SCYL2: variants seen among roughly 807,000 people sequenced by gnomAD.
SCYL2 encodes the protein SCY1 like pseudokinase 2.
A neutral mutation model predicts 100.4 loss-of-function variants in SCYL2; 36 were observed. The observed-to-expected ratio is 0.36, with a 90% CI of 0.27 to 0.47. The LOEUF (loss-of-function observed/expected upper bound fraction) is 0.47, where lower values mean the gene tolerates loss of function less well. Ranked by LOEUF, SCYL2 falls within the 20% of genes least tolerant of loss-of-function variation. The pLI, the probability that SCYL2 is intolerant of heterozygous loss-of-function variation, is 1.00. For synonymous variants in SCYL2, 330 were observed against 359.2 expected (o/e 0.92, Z 0.92); for missense variants, 902 against 1,083.9 (o/e 0.83, Z 2.36).
At chr12:100,276,337 A>C (rs373637002) in intron 1 of SCYL2, among the ~76,000 whole-genome samples, 35 of 151,582 alleles carry the variant, frequency 2.3e-4, no homozygotes, top group African/African-American at 6.1e-4. Flanking sequence ...CTTTCTTTTT[A>C]TTTTTATTTT....
At chr12:100,297,969 A>T in intron 3 of SCYL2, 62 bp from the exon 4 acceptor site, 1 of 1,218,830 alleles carries the variant, frequency 8.2e-7, no homozygotes, top group Non-Finnish European at 1.2e-6. Flanking sequence ...TATTTTATGT[A>T]TATTTGATTT....
intron 12 of SCYL2, chr12:100,327,131 T>C: frequency 2.9e-6 from 1 of 349,118 alleles, no homozygotes; most frequent in South Asian, 2.2e-5. Context: ...CGTTATGTTA[T>C]TTTATTCTTC....
intron 1 of SCYL2, among the ~76,000 whole-genome samples, chr12:100,274,040 C>T (rs1268789194): frequency 6.6e-6 from 1 of 152,184 alleles, no homozygotes; most frequent in African/African-American, 2.4e-5. Flanking sequence ...TAAATGTTTT[C>T]ATAATGCCAG....
intron 1 of SCYL2, among the ~76,000 whole-genome samples, chr12:100,271,001 T>A (rs139503309): frequency 5.6e-4 from 85 of 152,238 alleles, no homozygotes; most frequent in African/African-American, 1.9e-3. Context: ...CTGTTCTGGC[T>A]TAACTATGTC....
At chr12:100,272,323 A>G (rs1592923503) in intron 1 of SCYL2, among the ~76,000 whole-genome samples, 2 of 152,334 alleles carry the variant, frequency 1.3e-5, no homozygotes, top group East Asian at 3.8e-4. Context: ...AAGAAAAGGT[A>G]TTTGGACTCT....
chr12:100,329,390 A>G, intron 13 of SCYL2, 71 bp downstream of exon 13: 2 of 698,216 alleles, frequency 2.9e-6, no homozygotes, highest in East Asian at 2.5e-5. Flanking sequence ...ATATAAATAT[A>G]TTACAAAGAT....
At chr12:100,270,053 C>G (rs1007355986) in intron 1 of SCYL2, among the ~76,000 whole-genome samples, 1 of 150,850 alleles carries the variant, frequency 6.6e-6, no homozygotes, top group African/African-American at 2.4e-5. Flanking sequence ...GTGGCGCGAT[C>G]TCGGCTCACT....
intron 1 of SCYL2, among the ~76,000 whole-genome samples, chr12:100,275,714 T>C (rs1296624245): frequency 6.6e-6 from 1 of 152,222 alleles, no homozygotes; most frequent in Non-Finnish European, 1.5e-5. Context: ...TACTGGAATA[T>C]TGAATAGAAG....
intron 1 of SCYL2, among the ~76,000 whole-genome samples, chr12:100,273,776 A>G (rs1388465673): frequency 6.6e-6 from 1 of 152,132 alleles, no homozygotes; most frequent in Non-Finnish European, 1.5e-5. Flanking sequence ...TAATATTTCC[A>G]TAGCATGTAC....
intron 2 of SCYL2, among the ~76,000 whole-genome samples, chr12:100,285,852 A>G (rs549865931): frequency 3.0e-4 from 45 of 152,196 alleles, no homozygotes; most frequent in Admixed American, 7.2e-4. Flanking sequence ...TTCTGAGGCA[A>G]ATGCTCTTGG....
chr12:100,290,035 TTAG>T (rs1161155621), intron 2 of SCYL2, among the ~76,000 whole-genome samples: 1 of 152,212 alleles, frequency 6.6e-6, no homozygotes, highest in African/African-American at 2.4e-5. Flanking sequence ...AGTCTTGATG[TTAG>T]TGGTGTAACG....
rs1162678610 is a variant in SCYL2 at position 100,314,573 on chromosome 12, T to C, written c.1054T>C (p.Phe352Leu). Reference protein sequence around the residue: ...FQRDNLQKSQFFKGLPKVLPK... With the variant: ...FQRDNLQKSQLFKGLPKVLPK... The stretch of plus-strand genomic sequence containing the variant: ...AAGAGATAATCTTCAGAAATCACAG[T>C]TTTTCAAAGGACTGCCAAAGGTTCT... Residue 352 changes from phenylalanine (F) to leucine (L), a missense_variant, in exon 8 of 18, where the codon TTT (phenylalanine) becomes CTT (leucine). Coordinates refer to ENST00000360820, the MANE Select transcript of SCYL2 (RefSeq NM_017988.6). 7.9e-5 allele frequency: 127 copies of C among 1,602,840 alleles called. No individual in the cohort carries two copies. The highest frequency in any genetic ancestry group is 1.1e-4 in the Non-Finnish European group (125 of 1,176,750).
At chr12:100,301,396 T>C (rs895889808) in intron 4 of SCYL2, among the ~76,000 whole-genome samples, 1 of 152,254 alleles carries the variant, frequency 6.6e-6, no homozygotes, top group Non-Finnish European at 1.5e-5. Flanking sequence ...ATTCTGATTA[T>C]TAATCCCTTG....
intron 12 of SCYL2, among the ~76,000 whole-genome samples, chr12:100,328,657 G>C (rs1952169024): frequency 6.6e-6 from 1 of 152,222 alleles, no homozygotes; most frequent in Non-Finnish European, 1.5e-5. Flanking sequence ...TTTGTGGATA[G>C]ATGTAACAAG....
chr12:100,339,084 T>C lies in SCYL2; in HGVS notation c.2702T>C (p.Phe901Ser). ...GCTTTTGGTATGCAGGGTAATCCTT[T>C]CTTTAACCCACAGAACTTTGCACAG... is the stretch of plus-strand genomic sequence containing the variant. ...QSAFGMQGNP[F>S]FNPQNFAQPP... Residue 901 changes from phenylalanine to serine, a missense_variant, in exon 18 of 18, where the codon TTC becomes TCC. Physicochemically the swap from Phe to Ser is radical, Grantham distance 155. Coordinates refer to ENST00000360820, the MANE Select transcript of SCYL2 (RefSeq NM_017988.6). The C allele has an allele frequency of 6.2e-7, 1 of 1,614,106 alleles. No individual in the cohort carries two copies. The highest frequency in any genetic ancestry group is 1.6e-4 in the Middle Eastern group (1 of 6,062).
chr12:100,320,114 G>A (rs1326049338), intron 10 of SCYL2, among the ~76,000 whole-genome samples: 3 of 152,052 alleles, frequency 2.0e-5, no homozygotes, highest in East Asian at 1.9e-4. Flanking sequence ...CTTCATCACC[G>A]CCACCCACCA....
chr12:100,272,147 A>C lies in SCYL2; in HGVS notation c.-29+4355A>C, dbSNP rs7306459. ...GCTACCCCAAATCCTATTTTGGCTG[A>C]AATTTAGGAAGGGCAGATGATTGAA... On this transcript the variant is annotated intron_variant, in intron 1 of 17. Coordinates refer to ENST00000360820, the MANE Select transcript of SCYL2 (RefSeq NM_017988.6). Among the ~76,000 whole-genome samples, 877 of 152,312 alleles carry C rather than the reference A, an allele frequency of 5.8e-3. 6 individuals are homozygous for C. The highest frequency in any genetic ancestry group is 0.034 in the South Asian group (163 of 4,822).
Position 100,312,542 on chromosome 12 carries a change from TG to T in SCYL2, c.742del (p.Asp248IlefsTer5). The stretch of plus-strand genomic sequence containing the variant: ...TTTCTGTGAGCTGTGAAACAGCCAG[TG>T]ATATGTATTCTTTAGGAACTGTTAT... The part of the protein sequence containing the change: ...ILSVSCETAS[D>X]MYSLGTVMYA... On this transcript the variant is annotated frameshift_variant, in exon 6 of 18. Coordinates refer to ENST00000360820, the MANE Select transcript of SCYL2 (RefSeq NM_017988.6). LOFTEE classifies it high-confidence loss of function. 1 of 1,612,676 alleles carries T rather than the reference TG, an allele frequency of 6.2e-7. No individual in the cohort carries two copies. The highest frequency in any genetic ancestry group is 8.5e-7 in the Non-Finnish European group (1 of 1,178,808).
chr12:100,306,128 A>G (rs2135888252), intron 4 of SCYL2, among the ~76,000 whole-genome samples: 2 of 152,322 alleles, frequency 1.3e-5, no homozygotes, highest in South Asian at 4.1e-4. Flanking sequence ...ATAGAAAAAG[A>G]GGGACTCCTC....
Sources: gnomAD v4.1 joint callset for allele counts (sites outside exome capture counted in the v4.1 genomes callset) on GRCh38, gnomAD v4.1.1 for gene constraint, MANE v1.5 for transcripts, NCBI Gene and HGNC (gene_info 2026-07-23, HGNC 2026-07-21) for gene names.